Variants in RBFOX1 observed in about 807,000 individuals in gnomAD.
RBFOX1 encodes the protein RNA binding fox-1 homolog 1, also known as RNA binding protein fox-1 homolog 1.
RBFOX1 carries 8 observed loss-of-function variants against 57.7 expected under a neutral mutation model. The ratio of observed to expected loss-of-function variants is 0.14; its 90% CI spans 0.08 to 0.25. The LOEUF (loss-of-function observed/expected upper bound fraction) is 0.25. Ranked by LOEUF, RBFOX1 falls within the 10% of genes least tolerant of loss-of-function variation. The pLI is 1.00. For synonymous variants in RBFOX1, 326 were observed against 222.4 expected, an observed-to-expected ratio of 1.47 and a Z score of -4.15; for missense variants, 611 against 548.5, an observed-to-expected ratio of 1.11 and a Z score of -1.14.
intron 2 of RBFOX1, among the ~76,000 whole-genome samples, chr16:6,383,544 G>T (rs1266189889): frequency 6.6e-6 from 1 of 152,178 alleles, no homozygotes; most frequent in Non-Finnish European, 1.5e-5. Context: ...GGAGGCTGAG[G>T]TGGGCGGATC....
At chr16:7,356,212 A>T (rs2097211821) in intron 4 of RBFOX1, among the ~76,000 whole-genome samples, 1 of 152,220 alleles carries the variant, frequency 6.6e-6, no homozygotes, top group South Asian at 2.1e-4. Context: ...AGAATACAGC[A>T]CTGAATAGTG....
At chr16:7,187,104 G>A (rs1402805803) in intron 4 of RBFOX1, among the ~76,000 whole-genome samples, 1 of 151,760 alleles carries the variant, frequency 6.6e-6, no homozygotes, top group East Asian at 1.9e-4. Context: ...ATGAGGTCAG[G>A]GCTGCAGTGA....
chr16:6,619,535 G>C (rs941828703), intron 2 of RBFOX1, among the ~76,000 whole-genome samples: 11 of 151,958 alleles, frequency 7.2e-5, no homozygotes, highest in Non-Finnish European at 1.6e-4. Context: ...TGTAAACTCA[G>C]CTTAAGCAAA....
intron 3 of RBFOX1, among the ~76,000 whole-genome samples, chr16:5,801,438 T>C (rs947670146): frequency 1.3e-5 from 2 of 152,042 alleles, no homozygotes; most frequent in Non-Finnish European, 2.9e-5. Context: ...TTTTCTGTGA[T>C]TATTCTCAGT....
At chr16:5,372,175 G>C (rs1327374304) in intron 1 of RBFOX1, among the ~76,000 whole-genome samples, 3 of 152,194 alleles carry the variant, frequency 2.0e-5, no homozygotes, top group Non-Finnish European at 4.4e-5. Flanking sequence ...GTCAATATTT[G>C]ATGGCTTAGG....
intron 1 of RBFOX1, among the ~76,000 whole-genome samples, chr16:6,232,283 G>A (rs2152906399): frequency 6.6e-6 from 1 of 152,330 alleles, no homozygotes; most frequent in South Asian, 2.1e-4. Flanking sequence ...CTCTGCACCA[G>A]TGTCACTGAG....
intron 4 of RBFOX1, among the ~76,000 whole-genome samples, chr16:5,993,608 G>C (rs1049410692): frequency 6.6e-6 from 1 of 152,094 alleles, no homozygotes; most frequent in African/African-American, 2.4e-5. Flanking sequence ...TTCTCAGGTT[G>C]ATATGTTTAA....
At chr16:5,293,935 A>T (rs1381616793) in intron 1 of RBFOX1, among the ~76,000 whole-genome samples, 2 of 152,204 alleles carry the variant, frequency 1.3e-5, no homozygotes, top group East Asian at 3.8e-4. Flanking sequence ...ATTTTGCCTC[A>T]GTAAAAAGTA....
At chr16:7,152,373 G>T (rs367980043) in intron 4 of RBFOX1, among the ~76,000 whole-genome samples, 1 of 152,204 alleles carries the variant, frequency 6.6e-6, no homozygotes. Context: ...CTACTCCATG[G>T]TTGCATCCAG....
intron 11 of RBFOX1, among the ~76,000 whole-genome samples, chr16:7,649,000 T>C (rs906994734): frequency 2.0e-5 from 3 of 152,150 alleles, no homozygotes; most frequent in African/African-American, 4.8e-5. Flanking sequence ...GTTTCAGTTG[T>C]GTTACAGGAA....
chr16:6,624,219 A>T (rs1351391120), intron 2 of RBFOX1, among the ~76,000 whole-genome samples: 1 of 152,232 alleles, frequency 6.6e-6, no homozygotes, highest in Non-Finnish European at 1.5e-5. Flanking sequence ...TGCCTTTCCT[A>T]AGGAGTAAGC....
intron 2 of RBFOX1, among the ~76,000 whole-genome samples, chr16:6,576,748 G>C (rs372672108): frequency 7.2e-5 from 11 of 152,174 alleles, no homozygotes; most frequent in Non-Finnish European, 1.6e-4. Context: ...TGCAACGTTA[G>C]GGATTTATGC....
chr16:5,816,044 T>A, intron 3 of RBFOX1, among the ~76,000 whole-genome samples: 1 of 152,224 alleles, frequency 6.6e-6, no homozygotes, highest in East Asian at 1.9e-4. Flanking sequence ...ACAGCAGCTC[T>A]GGCTAGGGCT....
chr16:6,570,028 A>T (rs1279562771), intron 2 of RBFOX1, among the ~76,000 whole-genome samples: 1 of 152,176 alleles, frequency 6.6e-6, no homozygotes, highest in African/African-American at 2.4e-5. Flanking sequence ...TTAGAGGACG[A>T]CCTTCAGTAT....
At chr16:6,085,423 C>T (rs954755459) in intron 1 of RBFOX1, among the ~76,000 whole-genome samples, 1 of 152,164 alleles carries the variant, frequency 6.6e-6, no homozygotes, top group Non-Finnish European at 1.5e-5. Flanking sequence ...CAGGTATGCG[C>T]CGCTATGCCC....
At chr16:6,120,863 A>G (rs1207736089) in intron 1 of RBFOX1, among the ~76,000 whole-genome samples, 2 of 152,180 alleles carry the variant, frequency 1.3e-5, no homozygotes, top group Non-Finnish European at 1.5e-5. Context: ...TCTGGTGTAC[A>G]GAACACATGC....
intron 4 of RBFOX1, among the ~76,000 whole-genome samples, chr16:7,488,945 C>T (rs1044217197): frequency 6.6e-6 from 1 of 152,162 alleles, no homozygotes; most frequent in Non-Finnish European, 1.5e-5. Flanking sequence ...TTCACATGTC[C>T]ACTATCTATG....
chr16:6,650,472 G>A (rs543623294), intron 2 of RBFOX1, among the ~76,000 whole-genome samples: 1 of 152,266 alleles, frequency 6.6e-6, no homozygotes, highest in South Asian at 2.1e-4. Flanking sequence ...GTGTGATTCA[G>A]TATGAGTTAC....
At chr16:7,528,208 A>C (rs1330306898) in intron 5 of RBFOX1, among the ~76,000 whole-genome samples, 1 of 152,206 alleles carries the variant, frequency 6.6e-6, no homozygotes, top group Non-Finnish European at 1.5e-5. Flanking sequence ...GCTTATTTCC[A>C]TTGCAAATAT....
Sources: allele counts gnomAD v4.1 joint callset (sites outside exome capture counted in the v4.1 genomes callset), GRCh38; gene constraint gnomAD v4.1.1; transcripts MANE v1.5; gene names NCBI Gene and HGNC (gene_info 2026-07-23, HGNC 2026-07-21).